Variants in ZNF280D observed in about 807,000 individuals in gnomAD.
ZNF280D encodes suppressor of hairy wing homolog 4.
A neutral mutation model predicts 94.7 loss-of-function variants in ZNF280D; 39 were observed. The observed-to-expected ratio is 0.41, with a 90% CI of 0.32 to 0.54. ZNF280D has a LOEUF of 0.54. ZNF280D is among the 20% of genes least tolerant of loss of function. The pLI is 0.22. For synonymous variants in ZNF280D, 398 were observed against 377.6 expected, an observed-to-expected ratio of 1.05 and a Z score of -0.63; for missense variants, 1,090 against 1,149.3, an observed-to-expected ratio of 0.95 and a Z score of 0.75.
chr15:56,726,661 A>G (rs2058644443), intron 1 of ZNF280D, among the ~76,000 whole-genome samples: 1 of 152,246 alleles, frequency 6.6e-6, no homozygotes, highest in Admixed American at 6.5e-5. Flanking sequence ...TGCCTAAAAG[A>G]ATAATACAAC....
chr15:56,704,281 G>C lies in ZNF280D; in HGVS notation c.29-14C>G, dbSNP rs572533377. 1 of 1,597,152 alleles carries C rather than the reference G, an allele frequency of 6.3e-7. No individual in the cohort carries two copies. The highest frequency in any genetic ancestry group is 2.2e-5 in the East Asian group (1 of 44,494). ...TTTTTGAATTACCTAATTTTCAAAA[G>C]GAGAGAAGTAAACCTCATTTTTGAA... On this transcript the variant is annotated splice_polypyrimidine_tract_variant and intron_variant, in intron 3 of 21. Transcript: ENST00000267807.
rs1300220473 is a variant in ZNF280D, at chr15:56,689,319, G to A, written c.651C>T (p.Ser217=). The part of the protein sequence containing the change: ...PSVKSPSVTS[S]QAMLAKGTNT... ...ATTTACCTTTTGCTAGCATAGCCTG[G>A]GAAGAAGTCACTGAAGGAGATTTAA... is the stretch of plus-strand genomic sequence containing the variant. Residue 217 remains serine (S), a synonymous_variant, in exon 8 of 22, where the codon TCC becomes TCT. Coordinates refer to ENST00000267807, the MANE Select transcript of ZNF280D (RefSeq NM_017661.4). The A allele has an allele frequency of 2.5e-6, 4 of 1,601,402 alleles. No homozygotes were observed. The African/African-American group carries it at 5.4e-5, about 22-fold the overall frequency.
intron 1 of ZNF280D, among the ~76,000 whole-genome samples, chr15:56,709,969 G>C (rs2057664224): frequency 6.6e-6 from 1 of 152,166 alleles, no homozygotes. Context: ...TAACAAACCT[G>C]CATGTTGTGC....
intron 16 of ZNF280D, among the ~76,000 whole-genome samples, chr15:56,665,180 G>A (rs1232067683): frequency 6.6e-6 from 1 of 152,124 alleles, no homozygotes; most frequent in Non-Finnish European, 1.5e-5. Context: ...AAAGGTAGAA[G>A]AATCCTTGAA....
rs536519452 is a variant in ZNF280D, at chr15:56,700,119, T to C, written c.381+814A>G. On this transcript the variant is annotated intron_variant, in intron 6 of 21. Transcript: ENST00000267807. ...AAGGGTCTTGGGGAACCCCAGGGGA[T>C]TGCAAACTACAATCTGAGAACTGTT... 1.0e-5 allele frequency: 9 copies of C among 890,924 alleles called. No homozygotes were observed. The African/African-American group carries it at 1.1e-4, about 11-fold the overall frequency. 55.2% of individuals were successfully genotyped at this position (890,924 alleles called of 1,614,324 possible).
chr15:56,679,251 C>A (rs1437101066), intron 10 of ZNF280D, among the ~76,000 whole-genome samples: 2 of 152,064 alleles, frequency 1.3e-5, no homozygotes, highest in African/African-American at 4.8e-5. Context: ...ATAAAGGAAA[C>A]CCTATCACCA....
chr15:56,646,817 C>A (rs1423285698), intron 19 of ZNF280D, among the ~76,000 whole-genome samples: 1 of 151,832 alleles, frequency 6.6e-6, no homozygotes, highest in Non-Finnish European at 1.5e-5. Flanking sequence ...GGCAAGGAAG[C>A]AATGAAGATA....
intron 9 of ZNF280D, among the ~76,000 whole-genome samples, chr15:56,688,211 G>A (rs573900912): frequency 5.3e-5 from 8 of 152,142 alleles, no homozygotes; most frequent in Non-Finnish European, 1.2e-4. Context: ...GGGGCTTCTT[G>A]TACCAATAAA....
intron 9 of ZNF280D, among the ~76,000 whole-genome samples, chr15:56,685,446 G>C (rs2141030554): frequency 6.6e-6 from 1 of 152,204 alleles, no homozygotes. Flanking sequence ...AGGATAAAAG[G>C]ACAAAGAGTA....
chr15:56,687,903 T>C (rs553854330), intron 9 of ZNF280D, among the ~76,000 whole-genome samples: 1 of 152,190 alleles, frequency 6.6e-6, no homozygotes, highest in Non-Finnish European at 1.5e-5. Context: ...TCTACCTTTT[T>C]TGTAAAATGC....
At position 56,668,858 on chromosome 15, in the gene ZNF280D, G is replaced by T; in HGVS notation, c.1510C>A (p.Pro504Thr). The T allele has an allele frequency of 6.2e-7, 1 of 1,609,228 alleles. No individual in the cohort carries two copies. Among genetic ancestry groups the T allele is most frequent in the Admixed American group, 1.7e-5 (1 of 59,438 alleles). The change falls in exon 14 of 22, where the codon CCT (proline) becomes ACT (threonine). Residue 504 changes from proline to threonine, a missense_variant. By Grantham distance (38) the Pro-to-Thr change is conservative. Coordinates refer to ENST00000267807, the MANE Select transcript of ZNF280D (RefSeq NM_017661.4). ...KTQHHRTFIK[P>T]KQLEGLPPGT... ...GGAGGCAATCCTTCTAGTTGTTTAGGTTTTATAAATGTTCGATGGTGTTGA... is the reference window on the plus strand; with the variant it reads ...GGAGGCAATCCTTCTAGTTGTTTAGTTTTTATAAATGTTCGATGGTGTTGA...
At chr15:56,636,486 T>TA (rs2052356543) in intron 20 of ZNF280D, among the ~76,000 whole-genome samples, 1 of 32,864 alleles carries the variant, frequency 3.0e-5, no homozygotes. Flanking sequence ...TTCCTTCCTA[T>TA]TTTTTTTTTT....
chr15:56,702,910 A>AACACACACAC (rs59095987), intron 4 of ZNF280D, among the ~76,000 whole-genome samples: 8 of 135,756 alleles, frequency 5.9e-5, no homozygotes, highest in African/African-American at 1.9e-4. Flanking sequence ...ATGGTAAGTA[A>AACACACACAC]ACACACACAC....
chr15:56,669,948 AT>A lies in ZNF280D; in HGVS notation c.1411-992del, dbSNP rs1195484156. 5.5e-3 allele frequency among the ~76,000 whole-genome samples: 14 copies of A among 2,568 alleles called. 5 individuals carry two copies. The highest frequency in any genetic ancestry group is 0.033 in the Admixed American group (3 of 92). The allele number at this position is 2,568 out of a possible 152,430, so 1.7% of individuals were successfully genotyped here. The stretch of plus-strand genomic sequence containing the variant: ...TATTATATATATATTATATATATAT[AT>A]TATATATATATATTATATATATATA... On this transcript the variant is annotated intron_variant, in intron 13 of 21. Coordinates refer to ENST00000267807, the MANE Select transcript of ZNF280D (RefSeq NM_017661.4).
intron 13 of ZNF280D, among the ~76,000 whole-genome samples, chr15:56,675,709 T>C (rs1299539701): frequency 6.6e-6 from 1 of 151,940 alleles, no homozygotes; most frequent in African/African-American, 2.4e-5. Context: ...TCTTCTCCAA[T>C]TAAAAACAGC....
chr15:56,683,105 C>G (rs1473976829), intron 9 of ZNF280D, among the ~76,000 whole-genome samples: 6 of 151,960 alleles, frequency 3.9e-5, no homozygotes, highest in Admixed American at 6.6e-5. Flanking sequence ...TGCTGTTTTT[C>G]TATTTTTTTA....
At chr15:56,695,553 C>G (rs181150454) in intron 6 of ZNF280D, among the ~76,000 whole-genome samples, 1 of 108,784 alleles carries the variant, frequency 9.2e-6, no homozygotes, top group Admixed American at 1.1e-4. Flanking sequence ...TTTTTTGAGA[C>G]GGAGTCTCAC....
At chr15:56,668,270 A>T (rs2054428548) in intron 14 of ZNF280D, 1 of 404,834 alleles carries the variant, frequency 2.5e-6, no homozygotes, top group African/African-American at 2.1e-5. Context: ...GAGAAAACAG[A>T]TGTACATAAG....
At chr15:56,640,293 T>C (rs1346491125) in intron 20 of ZNF280D, among the ~76,000 whole-genome samples, 1 of 152,080 alleles carries the variant, frequency 6.6e-6, no homozygotes, top group Non-Finnish European at 1.5e-5. Flanking sequence ...GTTTTTGTTT[T>C]GTTTTTTGTT....
Sources: gnomAD v4.1 joint callset for allele counts (sites outside exome capture counted in the v4.1 genomes callset) on GRCh38, gnomAD v4.1.1 for gene constraint, MANE v1.5 for transcripts, NCBI Gene and HGNC (gene_info 2026-07-23, HGNC 2026-07-21) for gene names.